Variants in BRINP3 observed in about 807,000 individuals in gnomAD.
BRINP3 encodes the protein BMP/retinoic acid-inducible neural-specific protein 3.
Under a neutral mutation model 71.0 loss-of-function variants are expected in BRINP3, and 19 were observed. That is an observed-to-expected ratio of 0.27 (90% CI 0.19 to 0.39). The LOEUF (loss-of-function observed/expected upper bound fraction) is 0.39. Among genes scored for constraint, BRINP3 ranks in the 10% least tolerant of loss-of-function variants. The pLI is 1.00. For missense variants in BRINP3, 959 were observed against 940.8 expected (o/e 1.02, Z -0.25); for synonymous variants, 380 against 337.7 (o/e 1.13, Z -1.37).
intron 2 of BRINP3, among the ~76,000 whole-genome samples, chr1:190,293,914 T>G (rs1291349600): frequency 6.6e-6 from 1 of 152,170 alleles, no homozygotes; most frequent in Non-Finnish European, 1.5e-5. Flanking sequence ...TATGTCTTTA[T>G]AGGTAAAGTG....
chr1:190,453,211 T>TTTTTTTTTTTTTTTC (rs1317112848), intron 2 of BRINP3, among the ~76,000 whole-genome samples: 1 of 55,460 alleles, frequency 1.8e-5, no homozygotes, highest in African/African-American at 6.2e-5. Context: ...GTATTTTTTT[T>TTTTTTTTTTTTTTTC]TTTTTTTTTT....
chr1:190,287,705 A>G (rs2419063), intron 2 of BRINP3, among the ~76,000 whole-genome samples: 21,504 of 152,132 alleles, frequency 0.14, 2,009 homozygotes, highest in South Asian at 0.26. Context: ...TTGCCATCTC[A>G]GTAGAACAAC....
chr1:190,418,858 G>T (rs940596924), intron 2 of BRINP3, among the ~76,000 whole-genome samples: 3 of 152,032 alleles, frequency 2.0e-5, no homozygotes, highest in Non-Finnish European at 2.9e-5. Flanking sequence ...CACACTCATT[G>T]TATTGTTTTC....
At chr1:190,473,060 T>A (rs934761812) in intron 1 of BRINP3, among the ~76,000 whole-genome samples, 5 of 151,928 alleles carry the variant, frequency 3.3e-5, no homozygotes, top group African/African-American at 1.2e-4. Context: ...GTATCATGTC[T>A]ATTTCATTTG....
chr1:190,322,253 G>A (rs974994826), intron 2 of BRINP3, among the ~76,000 whole-genome samples: 1 of 152,010 alleles, frequency 6.6e-6, no homozygotes, highest in African/African-American at 2.4e-5. Flanking sequence ...GCTGGGAAAT[G>A]AGAAGAAGAT....
intron 2 of BRINP3, among the ~76,000 whole-genome samples, chr1:190,391,376 T>A (rs1047614381): frequency 1.3e-5 from 2 of 151,802 alleles, no homozygotes; most frequent in African/African-American, 4.8e-5. Context: ...TGATAAAATA[T>A]ATGTTGAATT....
At chr1:190,394,233 T>A (rs577729698) in intron 2 of BRINP3, among the ~76,000 whole-genome samples, 83 of 151,672 alleles carry the variant, frequency 5.5e-4, no homozygotes, top group Admixed American at 1.3e-3. Flanking sequence ...TTAAAATACT[T>A]CTCTCTCTTT....
intron 2 of BRINP3, among the ~76,000 whole-genome samples, chr1:190,350,487 C>G (rs1668307085): frequency 6.6e-6 from 1 of 152,000 alleles, no homozygotes; most frequent in Non-Finnish European, 1.5e-5. Context: ...AAAATGGACA[C>G]CAAATACTAA....
intron 4 of BRINP3, among the ~76,000 whole-genome samples, chr1:190,236,327 C>G (rs2102747674): frequency 6.6e-6 from 1 of 152,038 alleles, no homozygotes; most frequent in South Asian, 2.1e-4. Flanking sequence ...CATGTTGACT[C>G]TCTTTGATGA....
intron 7 of BRINP3, among the ~76,000 whole-genome samples, chr1:190,134,316 G>C (rs1314923380): frequency 6.6e-6 from 1 of 151,906 alleles, no homozygotes; most frequent in Non-Finnish European, 1.5e-5. Context: ...GGCAAGACAG[G>C]GATAACAAAG....
chr1:190,340,435 T>C (rs1281922852), intron 2 of BRINP3, among the ~76,000 whole-genome samples: 2 of 151,906 alleles, frequency 1.3e-5, no homozygotes, highest in Non-Finnish European at 2.9e-5. Context: ...TAGCTCAGTA[T>C]ATACTCTTCC....
At chr1:190,126,060 G>T (rs1215958879) in intron 7 of BRINP3, among the ~76,000 whole-genome samples, 2 of 151,874 alleles carry the variant, frequency 1.3e-5, no homozygotes, top group African/African-American at 4.8e-5. Flanking sequence ...TTACTTCAGA[G>T]TAACTTAACA....
intron 1 of BRINP3, among the ~76,000 whole-genome samples, chr1:190,466,340 G>C (rs1676748423): frequency 1.3e-5 from 2 of 151,600 alleles, no homozygotes; most frequent in Non-Finnish European, 3.0e-5. Context: ...GCTTACCCTG[G>C]AGTTAACCAG....
At chr1:190,246,913 GA>G (rs1237279228) in intron 4 of BRINP3, among the ~76,000 whole-genome samples, 1 of 151,814 alleles carries the variant, frequency 6.6e-6, no homozygotes, top group Non-Finnish European at 1.5e-5. Context: ...GTTTCTAAAT[GA>G]AAAATTACAG....
At chr1:190,242,665 GT>G (rs553042948) in intron 4 of BRINP3, among the ~76,000 whole-genome samples, 244 of 151,994 alleles carry the variant, frequency 1.6e-3, no homozygotes, top group African/African-American at 5.4e-3. Context: ...GTAGTGTTTG[GT>G]TTTTTTATTT....
chr1:190,206,688 CT>C (rs2102633626), intron 6 of BRINP3, among the ~76,000 whole-genome samples: 1 of 152,142 alleles, frequency 6.6e-6, no homozygotes, highest in Non-Finnish European at 1.5e-5. Flanking sequence ...GTTAATACGG[CT>C]TTTTGTTCAG....
At chr1:190,364,917 A>G (rs1669386245) in intron 2 of BRINP3, among the ~76,000 whole-genome samples, 1 of 152,264 alleles carries the variant, frequency 6.6e-6, no homozygotes, top group African/African-American at 2.4e-5. Context: ...TCGCCTCTGT[A>G]TAGAATTTCC....
rs181723042 is a variant in BRINP3 at position 190,442,626 on chromosome 1, A to T, written c.236+12029T>A. Among the ~76,000 whole-genome samples, 429 of 152,264 alleles carry T rather than the reference A, an allele frequency of 2.8e-3. 1 individual carries two copies. The highest frequency in any genetic ancestry group is 3.9e-3 in the Non-Finnish European group (267 of 68,018). The stretch of plus-strand genomic sequence containing the variant: ...TTTCGAGACAAATTAAGAAAATTGG[A>T]TTTAAATAAAACAAGTAAGGTACTT... On this transcript the variant is annotated intron_variant, in intron 2 of 7. Transcript: ENST00000367462.
chr1:190,416,988 A>T (rs1418187745), intron 2 of BRINP3, among the ~76,000 whole-genome samples: 1 of 152,166 alleles, frequency 6.6e-6, no homozygotes, highest in African/African-American at 2.4e-5. Flanking sequence ...TATGTAAAGG[A>T]TTAAATACAT....
Sources: gnomAD v4.1 joint callset for allele counts (sites outside exome capture counted in the v4.1 genomes callset) on GRCh38, gnomAD v4.1.1 for gene constraint, MANE v1.5 for transcripts, NCBI Gene and HGNC (gene_info 2026-07-23, HGNC 2026-07-21) for gene names.